Variants in MAP3K5 observed in about 807,000 individuals in gnomAD.
MAP3K5 encodes the protein ASK-1.
Under a neutral mutation model 158.7 loss-of-function variants are expected in MAP3K5, and 56 were observed. The observed-to-expected ratio is 0.35, with a 90% CI of 0.28 to 0.44. The LOEUF is 0.44. Among genes scored for constraint, MAP3K5 ranks in the 20% least tolerant of loss-of-function variants. The pLI is 1.00. For synonymous variants in MAP3K5, 579 were observed against 601.7 expected, an observed-to-expected ratio of 0.96 and a Z score of 0.55; for missense variants, 1,294 against 1,674.8, an observed-to-expected ratio of 0.77 and a Z score of 3.97.
chr6:136,655,540 A>C (rs1248714396), intron 10 of MAP3K5, among the ~76,000 whole-genome samples: 2 of 152,224 alleles, frequency 1.3e-5, no homozygotes, highest in Non-Finnish European at 2.9e-5. Context: ...CTAAGTATGG[A>C]AGATAGAGAT....
intron 5 of MAP3K5, 85 bp downstream of exon 5, chr6:136,697,134 C>A: frequency 8.2e-7 from 1 of 1,221,666 alleles, no homozygotes; most frequent in Non-Finnish European, 1.1e-6. Flanking sequence ...GAACTGCTTA[C>A]CAGCAAACTG....
Position 136,720,481 on chromosome 6 carries a change from T to C in MAP3K5, c.557A>G (p.Asp186Gly), listed in dbSNP as rs769338088. Residue 186 changes from aspartate (D) to glycine (G), a missense_variant, in exon 2 of 30, where the codon GAT (aspartate) becomes GGT (glycine). Asp to Gly is a moderately conservative substitution (Grantham distance 94, BLOSUM62 -1). Coordinates refer to ENST00000359015, the MANE Select transcript of MAP3K5 (RefSeq NM_005923.4). The part of the protein sequence containing the change: ...SMANNIILYC[D>G]TNSDSLQSLK... ...TGACTGCAGAGAGTCCGAGTTAGTA[T>C]CACAGTAGAGGATGATGTTGTTGGC... 6.2e-7 allele frequency: 1 copy of C among 1,611,624 alleles called. No homozygotes were observed. The highest frequency in any genetic ancestry group is 1.1e-5 in the South Asian group (1 of 90,746).
intron 14 of MAP3K5, among the ~76,000 whole-genome samples, chr6:136,627,023 A>G (rs1458564696): frequency 6.6e-6 from 1 of 152,194 alleles, no homozygotes; most frequent in Non-Finnish European, 1.5e-5. Context: ...GTTTCCAAAT[A>G]CCAGTGTTAT....
chr6:136,603,371 T>C (rs1008208642), intron 19 of MAP3K5, among the ~76,000 whole-genome samples: 2 of 150,766 alleles, frequency 1.3e-5, no homozygotes, highest in Non-Finnish European at 3.0e-5. Flanking sequence ...AGAGATGAGG[T>C]TTCACCATGT....
In MAP3K5 at chr6:136,697,276, G is replaced by C. The variant is rs1020233943; in HGVS notation, c.918C>G (p.Ile306Met). The change falls in exon 5 of 30, where the codon ATC becomes ATG. Residue 306 changes from isoleucine (I) to methionine (M), a missense_variant. Around this residue, in one of 5 missense-constraint regions of MAP3K5, gnomAD observed 690 missense variants for 870.5 expected, o/e 0.79. Transcript: ENST00000359015. ...TGACAATATCTGCTGTCAAGACTTCGATATTATCTACTCGCTGCCGAATTC... is the reference window on the plus strand; with the variant it reads ...TGACAATATCTGCTGTCAAGACTTCCATATTATCTACTCGCTGCCGAATTC... ...LARIRQRVDNIEVLTADIVIN... is the reference protein window; with the variant it reads ...LARIRQRVDNMEVLTADIVIN... 1 of 1,613,592 alleles carries C rather than the reference G, an allele frequency of 6.2e-7. No homozygotes were observed. The highest frequency in any genetic ancestry group is 8.5e-7 in the Non-Finnish European group (1 of 1,179,770).
At chr6:136,702,066 T>A (rs551623051) in intron 3 of MAP3K5, among the ~76,000 whole-genome samples, 1 of 152,294 alleles carries the variant, frequency 6.6e-6, no homozygotes, top group Admixed American at 6.5e-5. Flanking sequence ...ACAAACCCCA[T>A]GGTATAAGGC....
chr6:136,755,679 ACT>A (rs1261887792), intron 1 of MAP3K5, among the ~76,000 whole-genome samples: 1 of 137,636 alleles, frequency 7.3e-6, no homozygotes, highest in African/African-American at 2.8e-5. Flanking sequence ...ACAGAGCAAG[ACT>A]CTGTCTCCAA....
intron 21 of MAP3K5, among the ~76,000 whole-genome samples, chr6:136,596,216 C>A (rs1434068460): frequency 6.6e-6 from 1 of 152,056 alleles, no homozygotes; most frequent in Admixed American, 6.6e-5. Context: ...TGACAAGGAG[C>A]AGCCATGAGG....
intron 16 of MAP3K5, 132 bp downstream of exon 16, chr6:136,614,027 G>T: frequency 1.2e-6 from 1 of 837,566 alleles, no homozygotes; most frequent in Non-Finnish European, 1.8e-6. Context: ...CAAACTGGAG[G>T]TAATGTCACA....
At position 136,730,804 on chromosome 6, in the gene MAP3K5, T is replaced by C. The variant is rs114919383; in HGVS notation, c.449-10215A>G. On this transcript the variant is annotated intron_variant, in intron 1 of 29. Coordinates refer to ENST00000359015, the MANE Select transcript of MAP3K5 (RefSeq NM_005923.4). ...TGTAGATGAGGTTGTCAACTTAGAG[T>C]ACAGAAAGAAATGAGGCTTCCTGGA... Among the ~76,000 whole-genome samples, 1,355 of 147,012 alleles carry C rather than the reference T, an allele frequency of 9.2e-3. 15 individuals carry two copies. Among genetic ancestry groups the C allele is most frequent in the African/African-American group, 0.032 (1,245 of 39,402 alleles).
At chr6:136,705,014 AAATT>A in intron 3 of MAP3K5, 92 bp downstream of exon 3, 1 of 616,840 alleles carries the variant, frequency 1.6e-6, no homozygotes, top group Non-Finnish European at 2.7e-6. Flanking sequence ...ATAGAGATAT[AAATT>A]AATAATTTGT....
chr6:136,708,282 A>C (rs1331216783), intron 2 of MAP3K5, among the ~76,000 whole-genome samples: 3 of 119,708 alleles, frequency 2.5e-5, no homozygotes, highest in African/African-American at 7.9e-5. Flanking sequence ...TTGAGACAGG[A>C]TCTCGCTATG....
intron 7 of MAP3K5, among the ~76,000 whole-genome samples, chr6:136,675,260 T>C (rs1779657078): frequency 6.6e-6 from 1 of 152,040 alleles, no homozygotes; most frequent in Non-Finnish European, 1.5e-5. Flanking sequence ...CTTAAAACAC[T>C]TTCTCAGTGA....
At chr6:136,569,898 A>G (rs960554089) in intron 25 of MAP3K5, among the ~76,000 whole-genome samples, 1 of 152,240 alleles carries the variant, frequency 6.6e-6, no homozygotes, top group Non-Finnish European at 1.5e-5. Context: ...AAGTGAAATC[A>G]AGGTAGCAGA....
At chr6:136,785,754 G>C (rs1277190522) in intron 1 of MAP3K5, among the ~76,000 whole-genome samples, 3 of 152,148 alleles carry the variant, frequency 2.0e-5, no homozygotes, top group African/African-American at 4.8e-5. Flanking sequence ...CCAAGTTGAT[G>C]CTTCTCCTAC....
chr6:136,728,083 T>A (rs1436425233), intron 1 of MAP3K5, among the ~76,000 whole-genome samples: 1 of 152,230 alleles, frequency 6.6e-6, no homozygotes, highest in African/African-American at 2.4e-5. Context: ...ACTGAGTTAA[T>A]GTTAAGTGGA....
chr6:136,656,212 G>A (rs1287467686), intron 10 of MAP3K5, 95 bp downstream of exon 10: 1 of 1,052,574 alleles, frequency 9.5e-7, no homozygotes. Context: ...CAGTTTTAAG[G>A]CACCAAAAAT....
intron 1 of MAP3K5, among the ~76,000 whole-genome samples, chr6:136,769,076 C>T (rs888061927): frequency 2.0e-5 from 3 of 152,100 alleles, no homozygotes; most frequent in African/African-American, 7.2e-5. Context: ...TTATTCATGA[C>T]AGTCAAAAAG....
chr6:136,579,256 A>G (rs1394993737), intron 25 of MAP3K5, among the ~76,000 whole-genome samples: 4 of 152,150 alleles, frequency 2.6e-5, no homozygotes, highest in Non-Finnish European at 5.9e-5. Flanking sequence ...ACACACACAC[A>G]GGGTGGAAGA....
Sources: gnomAD v4.1 joint callset for allele counts (sites outside exome capture counted in the v4.1 genomes callset) on GRCh38, gnomAD v4.1.1 for gene constraint, gnomAD v4.1.1 regional missense constraint, MANE v1.5 for transcripts, NCBI Gene and HGNC (gene_info 2026-07-23, HGNC 2026-07-21) for gene names.